NEU3: variants seen among roughly 807,000 people sequenced by gnomAD.
NEU3 encodes neuraminidase 3.
In NEU3, 10 loss-of-function variants were observed where a neutral mutation model predicts 11.4. The ratio of observed to expected loss-of-function variants is 0.88; its 90% CI spans 0.54 to 1.49. NEU3 has a LOEUF of 1.49. Ranked by LOEUF, NEU3 falls within the 40% of genes most tolerant of loss-of-function variation. The pLI, the probability that NEU3 is intolerant of heterozygous loss-of-function variation, is 0.00. For missense variants in NEU3, 529 were observed against 581.8 expected (o/e 0.91, Z 0.93); for synonymous variants, 212 against 228.2 (o/e 0.93, Z 0.64).
At chr11:74,984,990 A>T (rs561469898), upstream of NEU3, among the ~76,000 whole-genome samples, 15 of 152,336 alleles carry the variant, frequency 9.8e-5, no homozygotes, top group South Asian at 3.1e-3. Context: ...AAGTGGGAAG[A>T]GAGGATTGGA....
Position 74,989,135 on chromosome 11 carries a change from G to A in NEU3, c.75G>A (p.Glu25=). ...PASSSAPTET[E]EPGSSAEVME... ...CCAGCTCTGCCCCGACAGAGACGGAGGAGCCGGGGTCCAGTGCAGGTGAGC... is the reference window on the plus strand; with the variant it reads ...CCAGCTCTGCCCCGACAGAGACGGAAGAGCCGGGGTCCAGTGCAGGTGAGC... Residue 25 remains glutamate (E), a synonymous_variant, in exon 1 of 3, where the codon GAG becomes GAA. Transcript: ENST00000294064. The A allele has an allele frequency of 1.9e-6, 3 of 1,551,224 alleles. No individual in the cohort carries two copies. In the South Asian group the frequency reaches 3.6e-5, roughly 18 times the overall value.
upstream of NEU3, among the ~76,000 whole-genome samples, chr11:74,983,509 A>T (rs1046523070): frequency 5.9e-5 from 9 of 152,234 alleles, no homozygotes; most frequent in Non-Finnish European, 1.2e-4. Context: ...CTTTAAAAAG[A>T]TAGGCACCTC....
At chr11:74,985,190 A>G (rs1948658174), upstream of NEU3, among the ~76,000 whole-genome samples, 1 of 152,224 alleles carries the variant, frequency 6.6e-6, no homozygotes, top group South Asian at 2.1e-4. Context: ...ACCCCAGGAC[A>G]TGACCCGGTT....
chr11:74,989,847 C>T (rs1948711052), intron 1 of NEU3: 2 of 637,044 alleles, frequency 3.1e-6, no homozygotes, highest in Admixed American at 2.4e-5. Context: ...AGTAAGAAAG[C>T]GGGAAGGACT....
intron 1 of NEU3, among the ~76,000 whole-genome samples, chr11:74,992,909 G>A (rs1194115571): frequency 2.6e-5 from 4 of 152,030 alleles, no homozygotes; most frequent in East Asian, 3.9e-4. Flanking sequence ...GCAGTGAGCC[G>A]AGCTCACACC....
rs997233203 is a variant in NEU3, at chr11:74,994,019, GA to G, written c.95-479del. 4.8e-3 allele frequency among the ~76,000 whole-genome samples: 708 copies of G among 146,826 alleles called. 7 individuals carry two copies. Among genetic ancestry groups the G allele is most frequent in the African/African-American group, 0.016 (657 of 40,276 alleles). ...ACAAATATCAAACCAGATCTACTAG[GA>G]AAAAAAAAAATTCTCCCTACTGACA... is the stretch of plus-strand genomic sequence containing the variant. On this transcript the variant is annotated intron_variant, in intron 1 of 2. Coordinates refer to ENST00000294064, the MANE Select transcript of NEU3 (RefSeq NM_006656.6).
rs115325363 is a variant in NEU3, at chr11:75,005,770, T to G, written c.664T>G (p.Cys222Gly). 1,208 of 1,613,890 alleles carry G rather than the reference T, an allele frequency of 7.5e-4. 13 individuals are homozygous for G. In the African/African-American group the frequency reaches 0.015, roughly 19 times the overall value. Reference protein sequence around the residue: ...YTYYIPSWFFCFQLPCKTRPH... With the variant: ...YTYYIPSWFFGFQLPCKTRPH... Reference sequence around the variant, plus strand: ...CTACTACATCCCTTCCTGGTTCTTTTGCTTCCAGCTACCATGTAAAACCAG... The same window carrying G: ...CTACTACATCCCTTCCTGGTTCTTTGGCTTCCAGCTACCATGTAAAACCAG... Residue 222 changes from cysteine to glycine, a missense_variant, in exon 3 of 3, where the codon TGC becomes GGC. Transcript: ENST00000294064.
the NEU3 span, among the ~76,000 whole-genome samples, chr11:74,981,741 A>T: frequency 2.0e-5 from 3 of 152,196 alleles, no homozygotes; most frequent in Non-Finnish European, 4.4e-5. Flanking sequence ...TAGTAATGAA[A>T]ATTGGATCCT....
intron 3 of NEU3, among the ~76,000 whole-genome samples, chr11:75,016,620 T>A (rs17133614): frequency 0.012 from 1,758 of 152,328 alleles, 47 homozygotes; most frequent in African/African-American, 0.04. Context: ...GCCATTCTAT[T>A]TTTAATCACT....
chr11:74,988,982 C>T lies in NEU3; in HGVS notation c.-79C>T. 3.7e-6 allele frequency: 4 copies of T among 1,076,728 alleles called. No homozygotes were observed. The allele number at this position is 1,076,728 out of a possible 1,614,324, so 66.7% of individuals were successfully genotyped here. A position where few individuals can be genotyped will look rare whatever the true frequency, so the allele number is the denominator to read the frequency against. On this transcript the variant is annotated 5_prime_UTR_variant, in exon 1 of 3. Transcript: ENST00000294064. ...GGGCTTGTCTCCGTGTCCTCCGTCT[C>T]AGTTGTTTCTCCCTCTCTATCCTCC...
chr11:74,988,400 G>T, upstream of NEU3: 1 of 152,626 alleles, frequency 6.6e-6, no homozygotes, highest in Non-Finnish European at 1.5e-5. Flanking sequence ...TTCCTCTTTG[G>T]CTGGGGAGAG....
At chr11:74,984,195 A>G (rs1948654087), upstream of NEU3, among the ~76,000 whole-genome samples, 2 of 152,190 alleles carry the variant, frequency 1.3e-5, no homozygotes, top group African/African-American at 4.8e-5. Flanking sequence ...GCATTTCTGC[A>G]TATTTTGCAA....
chr11:74,989,733 C>T (rs1228201516), intron 1 of NEU3, among the ~76,000 whole-genome samples: 2 of 152,176 alleles, frequency 1.3e-5, no homozygotes, highest in Non-Finnish European at 2.9e-5. Flanking sequence ...GTATTATCTC[C>T]ATTTTATAAG....
upstream of NEU3, chr11:74,988,830 G>A: frequency 1.8e-6 from 1 of 542,968 alleles, no homozygotes; most frequent in Non-Finnish European, 3.2e-6. Flanking sequence ...GCGCCGAGGG[G>A]GCGGGACGGG....
At chr11:74,982,626 A>G in the NEU3 span, among the ~76,000 whole-genome samples, 1 of 152,144 alleles carries the variant, frequency 6.6e-6, no homozygotes, top group East Asian at 1.9e-4. Context: ...GCTCCGTTCA[A>G]TATAGGCATC....
chr11:74,983,785 T>C (rs775080499), upstream of NEU3, among the ~76,000 whole-genome samples: 79 of 152,310 alleles, frequency 5.2e-4, no homozygotes, highest in Non-Finnish European at 9.4e-4. Context: ...GTGGGCCAAA[T>C]TGGAGTCAGT....
At chr11:74,989,175 G>T in intron 1 of NEU3, 21 bp downstream of exon 1, 1 of 1,538,396 alleles carries the variant, frequency 6.5e-7, no homozygotes, top group South Asian at 1.2e-5. Context: ...TTGGGAGACA[G>T]GAGAGCTCCC....
chr11:75,008,167 T>G lies in NEU3; in HGVS notation c.*1675T>G, dbSNP rs1490399137. 2 of 152,252 alleles carry G rather than the reference T, an allele frequency of 1.3e-5. No individual in the cohort carries two copies. The highest frequency in any genetic ancestry group is 2.4e-5 in the African/African-American group (1 of 41,462). The allele number at this position is 152,252 out of a possible 1,614,324, so 9.4% of individuals were successfully genotyped here. A position where few individuals can be genotyped will look rare whatever the true frequency, so the allele number is the denominator to read the frequency against. On this transcript the variant is annotated 3_prime_UTR_variant, in exon 3 of 3. Coordinates refer to ENST00000294064, the MANE Select transcript of NEU3 (RefSeq NM_006656.6). ...GTGCCTAATACAAGGTACTTTCTAC[T>G]GCCATTCCTTGGCTCTAAATCATTT...
intron 2 of NEU3, among the ~76,000 whole-genome samples, chr11:74,997,379 G>A (rs2140240800): frequency 6.6e-6 from 1 of 152,292 alleles, no homozygotes; most frequent in East Asian, 1.9e-4. Context: ...CTCAGCCTTT[G>A]TAGAACTGAA....
Sources: allele counts gnomAD v4.1 joint callset (sites outside exome capture counted in the v4.1 genomes callset), GRCh38; gene constraint gnomAD v4.1.1; transcripts MANE v1.5; gene names NCBI Gene and HGNC (gene_info 2026-07-23, HGNC 2026-07-21).